SIPA1L1: variants seen among roughly 807,000 people sequenced by gnomAD.
SIPA1L1 encodes signal-induced proliferation-associated 1-like protein 1.
In SIPA1L1, 26 loss-of-function variants were observed where a neutral mutation model predicts 162.7. The observed-to-expected ratio is 0.16, with a 90% confidence interval of 0.12 to 0.22. The LOEUF (loss-of-function observed/expected upper bound fraction) is 0.22. Among genes scored for constraint, SIPA1L1 ranks in the 10% least tolerant of loss-of-function variants. The probability of loss-of-function intolerance (pLI) is 1.00; values close to 1 mark genes in which losing one functional copy is unlikely to be tolerated. For synonymous variants in SIPA1L1, 829 were observed against 837.4 expected, an observed-to-expected ratio of 0.99 and a Z score of 0.17; for missense variants, 1,874 against 2,241.0, an observed-to-expected ratio of 0.84 and a Z score of 3.31.
At chr14:71,343,237 AC>A (rs1209795795) in intron 2 of SIPA1L1, among the ~76,000 whole-genome samples, 3 of 152,162 alleles carry the variant, frequency 2.0e-5, no homozygotes, top group Non-Finnish European at 4.4e-5. Flanking sequence ...CCACCCTCAA[AC>A]CTTGGTCCAC....
rs747653677 is a variant in SIPA1L1, at chr14:71,709,434, A to G, written c.3978A>G (p.Thr1326=). The change falls in exon 17 of 24, where the codon ACA becomes ACG. Residue 1326 remains threonine (T), a synonymous_variant. Coordinates refer to ENST00000381232, the MANE Select transcript of SIPA1L1 (RefSeq NM_001386936.1). The stretch of plus-strand genomic sequence containing the variant: ...GCACAGCCTCGCTGGGGGCTGCCAC[A>G]TCGTCACCTCGCTCAGGGCCAGGCA... ...HGSTASLGAA[T]SSPRSGPGKE... is the part of the protein sequence containing the mutation. 21 of 1,614,104 alleles carry G rather than the reference A, an allele frequency of 1.3e-5. No individual in the cohort carries two copies. The highest frequency in any genetic ancestry group is 5.3e-5 in the African/African-American group (4 of 74,936).
intron 20 of SIPA1L1, among the ~76,000 whole-genome samples, chr14:71,731,739 G>A (rs997291362): frequency 4.6e-5 from 7 of 152,214 alleles, no homozygotes; most frequent in African/African-American, 1.7e-4. Context: ...TCCAGACGAG[G>A]AGTCCTGGGA....
intron 2 of SIPA1L1, among the ~76,000 whole-genome samples, chr14:71,444,517 A>G (rs1481996090): frequency 1.3e-5 from 2 of 152,192 alleles, no homozygotes. Flanking sequence ...CGAATTTTTC[A>G]ATGCCTGAGA....
In SIPA1L1 at chr14:71,570,871, C is replaced by T. The variant is rs1004793710; in HGVS notation, c.-302-16700C>T. Among the ~76,000 whole-genome samples, 3 of 152,194 alleles carry T rather than the reference C, an allele frequency of 2.0e-5. No homozygotes were observed. The South Asian group carries it at 6.2e-4, about 32-fold the overall frequency. On this transcript the variant is annotated intron_variant, in intron 4 of 23. Transcript: ENST00000381232. ...GCACCATCTCGGCTCACTGTAACCT[C>T]TGCCTCCTGGGTTCAAGCAATTCTC...
At chr14:71,416,554 T>G (rs2042775233) in intron 2 of SIPA1L1, among the ~76,000 whole-genome samples, 1 of 152,072 alleles carries the variant, frequency 6.6e-6, no homozygotes, top group Non-Finnish European at 1.5e-5. Flanking sequence ...CCATTCTTAC[T>G]CAGGTCTCCT....
Position 71,393,852 on chromosome 14 carries a change from C to G in SIPA1L1, c.-465+72671C>G, listed in dbSNP as rs534888340. On this transcript the variant is annotated intron_variant, in intron 2 of 23. Coordinates refer to ENST00000381232, the MANE Select transcript of SIPA1L1 (RefSeq NM_001386936.1). ...AATAAGAAATAATAGCTTCGTAGTT[C>G]AGGTAACACCAGTGGTCTGGTTATC... Among the ~76,000 whole-genome samples the G allele has an allele frequency of 8.5e-5, 13 of 152,268 alleles. No homozygotes were observed. The South Asian group carries it at 2.5e-3, about 29-fold the overall frequency.
At chr14:71,424,385 A>G (rs1247713916) in intron 2 of SIPA1L1, among the ~76,000 whole-genome samples, 2 of 152,064 alleles carry the variant, frequency 1.3e-5, no homozygotes, top group South Asian at 2.1e-4. Flanking sequence ...TTAGACTTTC[A>G]TTATAGACAT....
At chr14:71,609,656 G>A (rs1035368237) in intron 5 of SIPA1L1, among the ~76,000 whole-genome samples, 1 of 151,954 alleles carries the variant, frequency 6.6e-6, no homozygotes, top group Non-Finnish European at 1.5e-5. Flanking sequence ...TAGTGGAGAA[G>A]GGGTTTCACC....
intron 2 of SIPA1L1, among the ~76,000 whole-genome samples, chr14:71,502,279 T>TA (rs1567115008): frequency 1.4e-5 from 2 of 144,894 alleles, no homozygotes; most frequent in East Asian, 2.0e-4. Flanking sequence ...TATATATATA[T>TA]TTGAGACAGA....
At chr14:71,721,308 G>T (rs185997500) in intron 17 of SIPA1L1, among the ~76,000 whole-genome samples, 10 of 152,294 alleles carry the variant, frequency 6.6e-5, no homozygotes, top group Non-Finnish European at 1.5e-4. Flanking sequence ...CTCTCTCTGT[G>T]CTGGGTTGCC....
At chr14:71,522,723 T>C (rs571530162) in intron 3 of SIPA1L1, among the ~76,000 whole-genome samples, 2 of 151,454 alleles carry the variant, frequency 1.3e-5, no homozygotes, top group South Asian at 2.1e-4. Context: ...AGATGGAGTC[T>C]CCCTTTGTTG....
chr14:71,562,222 A>G (rs903117644), intron 4 of SIPA1L1, among the ~76,000 whole-genome samples: 1 of 152,046 alleles, frequency 6.6e-6, no homozygotes, highest in Non-Finnish European at 1.5e-5. Context: ...GACATCAGAA[A>G]AAAAATGATA....
At chr14:71,441,103 A>G (rs2044816871) in intron 2 of SIPA1L1, among the ~76,000 whole-genome samples, 1 of 152,236 alleles carries the variant, frequency 6.6e-6, no homozygotes, top group Admixed American at 6.5e-5. Flanking sequence ...TTCTGATGGT[A>G]TAAATTTTCA....
chr14:71,677,831 A>G (rs1012193456), intron 12 of SIPA1L1, among the ~76,000 whole-genome samples: 2 of 152,196 alleles, frequency 1.3e-5, no homozygotes, highest in African/African-American at 4.8e-5. Flanking sequence ...CTGTTGGTCT[A>G]TACCTCTATT....
At chr14:71,593,282 G>A (rs2035627381) in intron 5 of SIPA1L1, among the ~76,000 whole-genome samples, 1 of 151,888 alleles carries the variant, frequency 6.6e-6, no homozygotes. Context: ...CACGATCTCC[G>A]CTCACTGCAA....
intron 4 of SIPA1L1, among the ~76,000 whole-genome samples, chr14:71,557,710 C>T (rs1340392625): frequency 6.6e-6 from 1 of 151,938 alleles, no homozygotes; most frequent in Non-Finnish European, 1.5e-5. Context: ...TTTAAGAGGC[C>T]CAGAAATTGT....
intron 6 of SIPA1L1, among the ~76,000 whole-genome samples, chr14:71,621,221 G>T (rs922638905): frequency 6.6e-6 from 1 of 152,148 alleles, no homozygotes; most frequent in Non-Finnish European, 1.5e-5. Context: ...GACCCAACAG[G>T]GTTCCTTTGA....
intron 4 of SIPA1L1, among the ~76,000 whole-genome samples, chr14:71,543,943 A>C (rs543925753): frequency 1.0e-3 from 149 of 148,778 alleles, no homozygotes; most frequent in Non-Finnish European, 1.8e-3. Context: ...GTGTGTATAT[A>C]TACATATACG....
intron 15 of SIPA1L1, among the ~76,000 whole-genome samples, chr14:71,704,091 A>G (rs552950407): frequency 1.5e-4 from 23 of 152,204 alleles, no homozygotes; most frequent in Non-Finnish European, 2.9e-4. Context: ...ACCATGGGAA[A>G]TCCAACCCTT....
Sources: allele counts gnomAD v4.1 joint callset (sites outside exome capture counted in the v4.1 genomes callset), GRCh38; gene constraint gnomAD v4.1.1; transcripts MANE v1.5; gene names NCBI Gene and HGNC (gene_info 2026-07-23, HGNC 2026-07-21).